Variants in NCOA2 observed in about 807,000 individuals in gnomAD.
NCOA2 encodes class E basic helix-loop-helix protein 75.
A neutral mutation model predicts 145.1 loss-of-function variants in NCOA2; 21 were observed. The observed-to-expected ratio is 0.14, with a 90% CI of 0.10 to 0.21. The LOEUF (loss-of-function observed/expected upper bound fraction) is 0.21, where lower values mean the gene tolerates loss of function less well. Ranked by LOEUF, NCOA2 falls within the 10% of genes least tolerant of loss-of-function variation. The pLI, the probability that NCOA2 is intolerant of heterozygous loss-of-function variation, is 1.00. For missense variants in NCOA2, 1,472 were observed against 1,837.6 expected, an observed-to-expected ratio of 0.80 and a Z score of 3.64; for synonymous variants, 619 against 637.5, an observed-to-expected ratio of 0.97 and a Z score of 0.44.
At chr8:70,416,898 G>A in the NCOA2 span, among the ~76,000 whole-genome samples, 1 of 152,120 alleles carries the variant, frequency 6.6e-6, no homozygotes, top group East Asian at 1.9e-4. Flanking sequence ...CTTTTTGGGG[G>A]ACACATTTAA....
chr8:70,176,641 G>C (rs776671093), intron 4 of NCOA2, among the ~76,000 whole-genome samples: 81 of 152,138 alleles, frequency 5.3e-4, no homozygotes, highest in Non-Finnish European at 2.1e-4. Context: ...GTGCACTGGG[G>C]CATACTTTTT....
intron 2 of NCOA2, among the ~76,000 whole-genome samples, chr8:70,274,804 A>G (rs1825348633): frequency 6.6e-6 from 1 of 152,190 alleles, no homozygotes; most frequent in Admixed American, 6.5e-5. Flanking sequence ...TAAAATATGA[A>G]CTGAAAAGTA....
At position 70,144,801 on chromosome 8, in the gene NCOA2, G is replaced by T. The variant is rs376918790; in HGVS notation, c.2653C>A (p.Gln885Lys). The change falls in exon 13 of 23, where the codon CAG (glutamine) becomes AAG (lysine). Residue 885 changes from glutamine (Q) to lysine (K), a missense_variant. Around this residue, in one of 4 missense-constraint regions of NCOA2, gnomAD observed 953 missense variants for 1,062.1 expected, o/e 0.90. Coordinates refer to ENST00000452400, the MANE Select transcript of NCOA2 (RefSeq NM_006540.4). ...AATGTGATGTCAAGTGGTAAATTCT[G>T]GTTTGGCAATAACCTGCCCAGTTGC... is the stretch of plus-strand genomic sequence containing the variant. Reference protein sequence around the residue: ...PGQLGRLLPNQNLPLDITLQS... With the variant: ...PGQLGRLLPNKNLPLDITLQS... 1 of 1,613,932 alleles carries T rather than the reference G, an allele frequency of 6.2e-7. No individual in the cohort carries two copies. Among genetic ancestry groups the T allele is most frequent in the East Asian group, 2.2e-5 (1 of 44,882 alleles).
intron 11 of NCOA2, among the ~76,000 whole-genome samples, chr8:70,149,234 T>C (rs1811475022): frequency 6.6e-6 from 1 of 151,814 alleles, no homozygotes. Context: ...AAAAATGTTT[T>C]TTTTGTTTTT....
intron 2 of NCOA2, among the ~76,000 whole-genome samples, chr8:70,252,258 GAGA>G (rs1350662591): frequency 6.6e-6 from 1 of 152,160 alleles, no homozygotes; most frequent in Non-Finnish European, 1.5e-5. Flanking sequence ...TGAAAGCAGA[GAGA>G]AGATCATACT....
chr8:70,405,921 A>G (rs186160610), upstream of NCOA2, among the ~76,000 whole-genome samples: 16 of 152,312 alleles, frequency 1.1e-4, no homozygotes, highest in African/African-American at 3.8e-4. Flanking sequence ...AGCATAGTAG[A>G]TGAGTTCCAT....
chr8:70,250,417 A>AG (rs1563680521), intron 2 of NCOA2, among the ~76,000 whole-genome samples: 3 of 145,588 alleles, frequency 2.1e-5, no homozygotes, highest in Non-Finnish European at 1.5e-5. Flanking sequence ...AAAAAAAAAA[A>AG]AAAAGTCAGC....
At chr8:70,380,085 A>G (rs1812057057) in intron 1 of NCOA2, among the ~76,000 whole-genome samples, 1 of 152,226 alleles carries the variant, frequency 6.6e-6, no homozygotes, top group Non-Finnish European at 1.5e-5. Flanking sequence ...TAAATAAGAC[A>G]GGAAACAAGT....
chr8:70,161,177 C>T (rs151186298), intron 9 of NCOA2, among the ~76,000 whole-genome samples: 3 of 152,304 alleles, frequency 2.0e-5, no homozygotes, highest in Non-Finnish European at 2.9e-5. Flanking sequence ...AATGTCTATA[C>T]GGGGTTTCCT....
At chr8:70,290,184 ATTT>A (rs918257984) in intron 2 of NCOA2, among the ~76,000 whole-genome samples, 3 of 122,300 alleles carry the variant, frequency 2.5e-5, no homozygotes, top group African/African-American at 9.8e-5. Flanking sequence ...ATTTCCATTG[ATTT>A]TTTTTTTTTT....
chr8:70,122,238 T>C (rs1042951673), intron 21 of NCOA2, among the ~76,000 whole-genome samples: 4 of 152,104 alleles, frequency 2.6e-5, no homozygotes, highest in Admixed American at 2.6e-4. Flanking sequence ...AGCATAGATA[T>C]CTCTCTATAA....
At chr8:70,127,146 T>C (rs918989080) in intron 18 of NCOA2, 99 bp from the exon 19 acceptor site, 2 of 810,562 alleles carry the variant, frequency 2.5e-6, no homozygotes, top group African/African-American at 3.4e-5. Context: ...GGTACTATCA[T>C]CTGTAAAATT....
the NCOA2 span, among the ~76,000 whole-genome samples, chr8:70,424,903 G>T: frequency 6.6e-6 from 1 of 152,194 alleles, no homozygotes; most frequent in African/African-American, 2.4e-5. Context: ...AAGGCAGCGT[G>T]GATCATCATT....
At chr8:70,259,172 G>A (rs187664252) in intron 2 of NCOA2, among the ~76,000 whole-genome samples, 10 of 152,240 alleles carry the variant, frequency 6.6e-5, no homozygotes, top group Non-Finnish European at 1.5e-5. Flanking sequence ...TGCTGCCTCA[G>A]AAGGCCTTTC....
At chr8:70,204,224 T>C (rs1170576227) in intron 4 of NCOA2, among the ~76,000 whole-genome samples, 1 of 152,086 alleles carries the variant, frequency 6.6e-6, no homozygotes, top group East Asian at 1.9e-4. Flanking sequence ...GCCAGGATAG[T>C]CTCGAACTCC....
intron 22 of NCOA2, among the ~76,000 whole-genome samples, chr8:70,118,141 G>A (rs2131271703): frequency 6.6e-6 from 1 of 152,352 alleles, no homozygotes; most frequent in African/African-American, 2.4e-5. Flanking sequence ...GATGAAGGGT[G>A]AGGCAGGGAG....
At chr8:70,207,153 C>T (rs1006719857) in intron 4 of NCOA2, among the ~76,000 whole-genome samples, 1 of 152,120 alleles carries the variant, frequency 6.6e-6, no homozygotes, top group African/African-American at 2.4e-5. Flanking sequence ...TGAATATTTA[C>T]TCTTGAATGA....
chr8:70,308,940 T>C (rs909084125), intron 1 of NCOA2, among the ~76,000 whole-genome samples: 1 of 152,204 alleles, frequency 6.6e-6, no homozygotes, highest in African/African-American at 2.4e-5. Context: ...CCCCTGAAGC[T>C]GGGGTTGCCT....
the NCOA2 span, chr8:70,424,624 C>G: frequency 3.1e-4 from 119 of 385,178 alleles, 3 homozygotes; most frequent in South Asian, 1.5e-3. Context: ...GAAGAGCAAA[C>G]TTTTTCTGCA....
Sources: allele counts gnomAD v4.1 joint callset (sites outside exome capture counted in the v4.1 genomes callset), GRCh38; gene constraint gnomAD v4.1.1; regional missense constraint gnomAD v4.1.1; transcripts MANE v1.5; gene names NCBI Gene and HGNC (gene_info 2026-07-23, HGNC 2026-07-21).